Variants in SLC25A21 observed in about 807,000 individuals in gnomAD.
The protein encoded by SLC25A21 is solute carrier family 25 member 21.
SLC25A21 carries 47 observed loss-of-function variants against 43.8 expected under a neutral mutation model. The observed-to-expected ratio is 1.07, with a 90% CI of 0.85 to 1.37. SLC25A21 has a LOEUF of 1.37. Among genes scored for constraint, SLC25A21 ranks in the 40% most tolerant of loss-of-function variants. The pLI is 0.00. For missense variants in SLC25A21, 352 were observed against 350.2 expected, an observed-to-expected ratio of 1.00 and a Z score of -0.04; for synonymous variants, 131 against 121.3, an observed-to-expected ratio of 1.08 and a Z score of -0.52.
chr14:36,724,003 G>A lies in SLC25A21; in HGVS notation c.438+1567C>T, dbSNP rs567767763. 8.9e-4 allele frequency among the ~76,000 whole-genome samples: 136 copies of A among 152,210 alleles called. 1 individual carries two copies. Among genetic ancestry groups the A allele is most frequent in the African/African-American group, 3.1e-3 (129 of 41,530 alleles). On this transcript the variant is annotated intron_variant, in intron 6 of 9. Coordinates refer to ENST00000331299, the MANE Select transcript of SLC25A21 (RefSeq NM_030631.4). The stretch of plus-strand genomic sequence containing the variant: ...TAATTCTCCCAGTCCTACAAACCAA[G>A]TTTTCCTTAAGCAGATTCCATGGGA...
chr14:36,810,741 C>T (rs974461557), intron 3 of SLC25A21, among the ~76,000 whole-genome samples: 5 of 152,072 alleles, frequency 3.3e-5, no homozygotes, highest in African/African-American at 4.8e-5. Flanking sequence ...CAGTGCCAGA[C>T]ACAAGTATAA....
intron 1 of SLC25A21, among the ~76,000 whole-genome samples, chr14:37,101,420 A>G (rs1376821886): frequency 6.6e-6 from 1 of 152,214 alleles, no homozygotes; most frequent in Non-Finnish European, 1.5e-5. Flanking sequence ...GGCCAATGTT[A>G]CTAATGAAAA....
chr14:37,044,848 A>T (rs1283055439), intron 1 of SLC25A21, among the ~76,000 whole-genome samples: 1 of 152,230 alleles, frequency 6.6e-6, no homozygotes, highest in Non-Finnish European at 1.5e-5. Context: ...CAAAACCTGA[A>T]GATTAAGGTA....
chr14:36,922,654 T>C (rs1466868313), intron 1 of SLC25A21, among the ~76,000 whole-genome samples: 2 of 152,058 alleles, frequency 1.3e-5, no homozygotes, highest in Non-Finnish European at 2.9e-5. Context: ...CACTCAATGC[T>C]GGGAGATGTT....
chr14:36,785,776 A>C (rs74044989), intron 3 of SLC25A21, among the ~76,000 whole-genome samples: 1,872 of 152,272 alleles, frequency 0.012, 28 homozygotes, highest in African/African-American at 0.043. Context: ...GTGCAAGAAC[A>C]GACATGCACA....
intron 9 of SLC25A21, among the ~76,000 whole-genome samples, chr14:36,682,776 A>G (rs1197019077): frequency 1.3e-5 from 2 of 152,116 alleles, no homozygotes; most frequent in Non-Finnish European, 2.9e-5. Flanking sequence ...AATATGAAAC[A>G]AAATCCATGT....
In SLC25A21 at chr14:37,087,919, C is replaced by A. The variant is rs17106275; in HGVS notation, c.70+84362G>T. Among the ~76,000 whole-genome samples, 2,484 of 152,274 alleles carry A rather than the reference C, an allele frequency of 0.016. 196 individuals carry two copies. The East Asian group carries it at 0.26, about 16-fold the overall frequency. On this transcript the variant is annotated intron_variant, in intron 1 of 9. Transcript: ENST00000331299. ...TCTTGAGTGAGTGGGTACATCAAGC[C>A]TAACAAGAAATAAGGTTCATCCTGC...
In SLC25A21 at chr14:36,934,997, C is replaced by CT. The variant is rs35742799; in HGVS notation, c.71-59994dup. On this transcript the variant is annotated intron_variant, in intron 1 of 9. Coordinates refer to ENST00000331299, the MANE Select transcript of SLC25A21 (RefSeq NM_030631.4). ...ACAGCTAAAACCTGTGGTTCTTTAT[C>CT]TTTTTTTTTTTGAGGGCTGTTACCA... Among the ~76,000 whole-genome samples, 1,317 of 146,874 alleles carry CT rather than the reference C, an allele frequency of 9.0e-3. 12 individuals are homozygous for CT. Among genetic ancestry groups the CT allele is most frequent in the East Asian group, 0.023 (118 of 5,068 alleles).
At chr14:36,902,875 C>T (rs963279782) in intron 1 of SLC25A21, among the ~76,000 whole-genome samples, 1 of 152,008 alleles carries the variant, frequency 6.6e-6, no homozygotes, top group African/African-American at 2.4e-5. Context: ...GTCCCAGATA[C>T]TCAAGAGACT....
At chr14:36,817,614 G>A (rs1173555138) in intron 2 of SLC25A21, among the ~76,000 whole-genome samples, 1 of 152,150 alleles carries the variant, frequency 6.6e-6, no homozygotes, top group Non-Finnish European at 1.5e-5. Context: ...TAAAGCACTT[G>A]ACCTTTTCTG....
chr14:36,964,843 G>A (rs191756736), intron 1 of SLC25A21, among the ~76,000 whole-genome samples: 25 of 152,212 alleles, frequency 1.6e-4, no homozygotes, highest in Non-Finnish European at 3.4e-4. Context: ...TTACAAACTC[G>A]CTTGTGATGG....
chr14:37,001,657 G>T, intron 1 of SLC25A21, among the ~76,000 whole-genome samples: 1 of 150,336 alleles, frequency 6.7e-6, no homozygotes, highest in Non-Finnish European at 1.5e-5. Context: ...GGGCATATTT[G>T]CTAAGCGCTA....
chr14:37,130,339 T>C (rs550515488), intron 1 of SLC25A21, among the ~76,000 whole-genome samples: 6 of 152,300 alleles, frequency 3.9e-5, no homozygotes, highest in Admixed American at 2.0e-4. Context: ...GTATTCATAG[T>C]ATAAGAATGA....
intron 1 of SLC25A21, among the ~76,000 whole-genome samples, chr14:37,047,067 T>C (rs1961602046): frequency 6.6e-6 from 1 of 152,196 alleles, no homozygotes; most frequent in Non-Finnish European, 1.5e-5. Flanking sequence ...CAGACAGAAC[T>C]ATGAAACAAT....
chr14:36,908,661 T>A (rs777102116), intron 1 of SLC25A21, among the ~76,000 whole-genome samples: 1 of 152,214 alleles, frequency 6.6e-6, no homozygotes, highest in Non-Finnish European at 1.5e-5. Flanking sequence ...TCTATTTACT[T>A]TTAATAAATT....
At chr14:36,720,858 C>G (rs555678479) in intron 6 of SLC25A21, among the ~76,000 whole-genome samples, 2 of 152,266 alleles carry the variant, frequency 1.3e-5, no homozygotes, top group East Asian at 3.9e-4. Flanking sequence ...AGTTTAAAGA[C>G]CTTATCAACA....
intron 1 of SLC25A21, among the ~76,000 whole-genome samples, chr14:36,911,632 C>G (rs1594687298): frequency 6.6e-6 from 1 of 152,188 alleles, no homozygotes; most frequent in African/African-American, 2.4e-5. Context: ...TTGGGGAGAA[C>G]TGAGGCTCTC....
intron 2 of SLC25A21, among the ~76,000 whole-genome samples, chr14:36,840,598 G>A (rs1889355573): frequency 6.6e-6 from 1 of 152,150 alleles, no homozygotes; most frequent in South Asian, 2.1e-4. Context: ...TTCTTAAAAT[G>A]TATCATCCTT....
At chr14:36,856,530 G>C (rs995769303) in intron 2 of SLC25A21, among the ~76,000 whole-genome samples, 3 of 152,170 alleles carry the variant, frequency 2.0e-5, no homozygotes, top group Non-Finnish European at 2.9e-5. Context: ...ACCAGAGAAT[G>C]CTTGATGATC....
Sources: gnomAD v4.1 joint callset for allele counts (sites outside exome capture counted in the v4.1 genomes callset) on GRCh38, gnomAD v4.1.1 for gene constraint, MANE v1.5 for transcripts, NCBI Gene and HGNC (gene_info 2026-07-23, HGNC 2026-07-21) for gene names.